SNRPG: variants seen among roughly 807,000 people sequenced by gnomAD.
The protein encoded by SNRPG is small nuclear ribonucleoprotein polypeptide G.
In SNRPG, 3 loss-of-function variants were observed where a neutral mutation model predicts 13.9. The observed-to-expected ratio is 0.22, with a 90% CI of 0.10 to 0.56. SNRPG has a LOEUF of 0.56. Among genes scored for constraint, SNRPG ranks in the 20% least tolerant of loss-of-function variants. The probability of loss-of-function intolerance (pLI) is 0.93; values close to 1 mark genes in which losing one functional copy is unlikely to be tolerated. For synonymous variants in SNRPG, 29 were observed against 29.3 expected, an observed-to-expected ratio of 0.99 and a Z score of 0.03; for missense variants, 34 against 96.1, an observed-to-expected ratio of 0.35 and a Z score of 2.70.
At chr2:70,289,418 T>C in intron 1 of SNRPG, 46 bp from the exon 2 acceptor site, 1 of 1,094,326 alleles carries the variant, frequency 9.1e-7, no homozygotes, top group Non-Finnish European at 1.3e-6. Flanking sequence ...TTAAAAAAAT[T>C]TAAGCATAAA....
chr2:70,283,514 C>T lies in SNRPG; in HGVS notation c.181-1830G>A, dbSNP rs557496514. Among the ~76,000 whole-genome samples the T allele has an allele frequency of 4.6e-5, 7 of 152,218 alleles. No individual in the cohort carries two copies. In the South Asian group the frequency reaches 8.3e-4, roughly 18 times the overall value. On this transcript the variant is annotated intron_variant, in intron 3 of 3. Coordinates refer to ENST00000272348, the MANE Select transcript of SNRPG (RefSeq NM_003096.4). ...ATCATGCTTGTTTTATTTACACATACGCTATGATTTATTGTGTTCTCCATA... is the reference window on the plus strand; with the variant it reads ...ATCATGCTTGTTTTATTTACACATATGCTATGATTTATTGTGTTCTCCATA...
chr2:70,282,519 G>A (rs1696818505), intron 3 of SNRPG, among the ~76,000 whole-genome samples: 1 of 152,168 alleles, frequency 6.6e-6, no homozygotes, highest in South Asian at 2.1e-4. Flanking sequence ...TTTGAATGCA[G>A]TAAAAAGTTC....
At chr2:70,281,840 A>T (rs1193493306) in intron 3 of SNRPG, among the ~76,000 whole-genome samples, 156 bp from the exon 4 acceptor site, 1 of 152,194 alleles carries the variant, frequency 6.6e-6, no homozygotes, top group Non-Finnish European at 1.5e-5. Context: ...AACAACTCTA[A>T]GCCCTTTATA....
intron 1 of SNRPG, among the ~76,000 whole-genome samples, chr2:70,289,784 T>C (rs1190829660): frequency 6.6e-6 from 1 of 152,002 alleles, no homozygotes; most frequent in Admixed American, 6.6e-5. Flanking sequence ...GCACTCCAGC[T>C]TGGGCAATAG....
intron 1 of SNRPG, 139 bp downstream of exon 1, chr2:70,293,479 G>C (rs1697159145): frequency 3.6e-6 from 3 of 830,534 alleles, no homozygotes; most frequent in East Asian, 2.4e-5. Context: ...CGGGAGCCTG[G>C]CCGGGATCCC....
Position 70,293,682 on chromosome 2 carries a change from G to A in SNRPG, c.-33C>T, listed in dbSNP as rs973600434. The A allele has an allele frequency of 6.2e-7, 1 of 1,610,000 alleles. No individual in the cohort carries two copies. The highest frequency in any genetic ancestry group is 8.5e-7 in the Non-Finnish European group (1 of 1,176,280). On this transcript the variant is annotated 5_prime_UTR_variant, in exon 1 of 4. Transcript: ENST00000272348. ...ACTCCGCGGGCTCACAGATGCCTTG[G>A]AACGCAACGCACGGCTTTCCTCACG... is the stretch of plus-strand genomic sequence containing the variant.
At chr2:70,288,527 G>A (rs981002500) in intron 2 of SNRPG, among the ~76,000 whole-genome samples, 2 of 152,116 alleles carry the variant, frequency 1.3e-5, no homozygotes, top group Non-Finnish European at 2.9e-5. Context: ...CCAAAGTGCT[G>A]GGGGATTATA....
At chr2:70,288,040 C>T in intron 3 of SNRPG, 28 bp downstream of exon 3, 1 of 1,608,258 alleles carries the variant, frequency 6.2e-7, no homozygotes. Context: ...AATGAAATCT[C>T]CAAGAGAACT....
intron 3 of SNRPG, 106 bp from the exon 4 acceptor site, chr2:70,281,790 T>G: frequency 6.2e-6 from 4 of 641,916 alleles, no homozygotes; most frequent in Non-Finnish European, 1.1e-5. Context: ...TAATATTACA[T>G]GTCGGTTTGC....
chr2:70,291,321 G>T (rs1192129289), intron 1 of SNRPG: 1 of 152,126 alleles, frequency 6.6e-6, no homozygotes, highest in African/African-American at 2.4e-5. Flanking sequence ...TTGAATGCTG[G>T]GTTAAGTACA....
chr2:70,281,761 C>T (rs933703903), intron 3 of SNRPG, 77 bp from the exon 4 acceptor site: 7 of 795,158 alleles, frequency 8.8e-6, no homozygotes, highest in Middle Eastern at 2.4e-4. Flanking sequence ...GAATTTTCAC[C>T]AAATCATTAA....
At chr2:70,288,834 TAAGATA>T (rs1480714065) in intron 2 of SNRPG, among the ~76,000 whole-genome samples, 3 of 150,510 alleles carry the variant, frequency 2.0e-5, no homozygotes, top group African/African-American at 7.3e-5. Context: ...AGGGCTTACA[TAAGATA>T]AAGTCTGAAG....
chr2:70,293,440 A>G, intron 1 of SNRPG, 178 bp downstream of exon 1: 1 of 693,580 alleles, frequency 1.4e-6, no homozygotes, highest in Non-Finnish European at 2.6e-6. Flanking sequence ...CCGACGCGCG[A>G]GCTCTGCGCG....
At chr2:70,291,978 C>G (rs865871569) in intron 1 of SNRPG, among the ~76,000 whole-genome samples, 3 of 140,886 alleles carry the variant, frequency 2.1e-5, no homozygotes, top group Non-Finnish European at 4.6e-5. Context: ...GACGGAGTCT[C>G]GCTCTGTTGC....
intron 1 of SNRPG, 36 bp from the exon 2 acceptor site, chr2:70,289,408 T>C (rs1334221840): frequency 2.6e-6 from 3 of 1,160,170 alleles, no homozygotes; most frequent in Non-Finnish European, 3.7e-6. Flanking sequence ...ATATAACCAA[T>C]TAAAAAAATT....
intron 1 of SNRPG, among the ~76,000 whole-genome samples, chr2:70,289,952 A>G (rs748643713): frequency 6.6e-6 from 1 of 152,042 alleles, no homozygotes; most frequent in Non-Finnish European, 1.5e-5. Flanking sequence ...ACTAATGTGA[A>G]TTACATTCTT....
At position 70,293,650 on chromosome 2, in the gene SNRPG, G is replaced by A. The variant is rs769520794; in HGVS notation, c.-1C>T. 1.2e-6 allele frequency: 2 copies of A among 1,614,014 alleles called. No individual in the cohort carries two copies. The highest frequency in any genetic ancestry group is 1.1e-5 in the South Asian group (1 of 91,080). On this transcript the variant is annotated 5_prime_UTR_variant, in exon 1 of 4. Transcript: ENST00000272348. Reference sequence around the variant, plus strand: ...ACTCGGGAGGGTGAGCTTTGCTCATGGTGTATACTCCGCGGGCTCACAGAT... The same window carrying A: ...ACTCGGGAGGGTGAGCTTTGCTCATAGTGTATACTCCGCGGGCTCACAGAT...
At chr2:70,287,982 T>C (rs1696984478) in intron 3 of SNRPG, 86 bp downstream of exon 3, 2 of 1,306,918 alleles carry the variant, frequency 1.5e-6, no homozygotes, top group East Asian at 4.6e-5. Flanking sequence ...TTATTTGCCA[T>C]TTCTGGGGGT....
chr2:70,287,445 A>G, intron 3 of SNRPG: 1 of 669,118 alleles, frequency 1.5e-6, no homozygotes, highest in Non-Finnish European at 2.7e-6. Context: ...ACTACGGCCC[A>G]ATGAATGTAG....
Sources: gnomAD v4.1 joint callset for allele counts (sites outside exome capture counted in the v4.1 genomes callset) on GRCh38, gnomAD v4.1.1 for gene constraint, MANE v1.5 for transcripts, NCBI Gene and HGNC (gene_info 2026-07-23, HGNC 2026-07-21) for gene names.